The following ZNF597 variants were observed in gnomAD, a reference collection of about 807,000 sequenced individuals.
ZNF597 encodes zinc finger protein 597.
Under a neutral mutation model 7.3 loss-of-function variants are expected in ZNF597, and 5 were observed. The ratio of observed to expected loss-of-function variants is 0.68; its 90% CI spans 0.36 to 1.44. The LOEUF is 1.44. Among genes scored for constraint, ZNF597 ranks in the 40% most tolerant of loss-of-function variants. ZNF597 has a pLI of 0.04. For synonymous variants in ZNF597, 209 were observed against 185.4 expected, an observed-to-expected ratio of 1.13 and a Z score of -1.04; for missense variants, 585 against 517.9, an observed-to-expected ratio of 1.13 and a Z score of -1.26.
rs757067337 is a variant in ZNF597 at position 3,436,576 on chromosome 16, C to T, written c.1123G>A (p.Glu375Lys). 15 of 1,611,386 alleles carry T rather than the reference C, an allele frequency of 9.3e-6. No individual in the cohort carries two copies. The highest frequency in any genetic ancestry group is 2.7e-5 in the African/African-American group (2 of 74,838). ...EERPHKCKTC[E>K]ESFALDSELA... ...TCTGAGTCCAAAGCAAAACTTTCCTCGCATGTTTTGCACTTATGGGGCCTT... is the reference window on the plus strand; with the variant it reads ...TCTGAGTCCAAAGCAAAACTTTCCTTGCATGTTTTGCACTTATGGGGCCTT... The change falls in exon 4 of 4, where the codon GAG becomes AAG. Residue 375 changes from glutamate (E) to lysine (K), a missense_variant. Coordinates refer to ENST00000301744, the MANE Select transcript of ZNF597 (RefSeq NM_152457.3).
At chr16:3,442,022 C>T (rs180838740) in intron 2 of ZNF597, among the ~76,000 whole-genome samples, 110 of 151,798 alleles carry the variant, frequency 7.2e-4, no homozygotes, top group Non-Finnish European at 1.8e-4. Context: ...GTTGGGCAGC[C>T]CAGGAAGAAT....
At chr16:3,441,530 C>T (rs1053531529) in intron 2 of ZNF597, among the ~76,000 whole-genome samples, 1 of 151,914 alleles carries the variant, frequency 6.6e-6, no homozygotes, top group Non-Finnish European at 1.5e-5. Context: ...GCACTAAATA[C>T]AAAAAATTAG....
At chr16:3,442,603 A>G (rs566014432) in intron 2 of ZNF597, among the ~76,000 whole-genome samples, 17 of 150,680 alleles carry the variant, frequency 1.1e-4, no homozygotes, top group African/African-American at 4.2e-4. Context: ...TGAACCCGGG[A>G]GGCGGAGCTT....
Position 3,443,168 on chromosome 16 carries a change from A to G in ZNF597, c.-15T>C. On this transcript the variant is annotated 5_prime_UTR_variant, in exon 2 of 4. Coordinates refer to ENST00000301744, the MANE Select transcript of ZNF597 (RefSeq NM_152457.3). Reference sequence around the variant, plus strand: ...ATGGACGCCATTTGGCGGGTGGGGAATGCCTTCTTCAAGACGCCACAGGGA... The same window carrying G: ...ATGGACGCCATTTGGCGGGTGGGGAGTGCCTTCTTCAAGACGCCACAGGGA... 6.2e-7 allele frequency: 1 copy of G among 1,611,858 alleles called. No individual in the cohort carries two copies.
intron 3 of ZNF597, among the ~76,000 whole-genome samples, chr16:3,438,782 C>G (rs998943784): frequency 2.0e-5 from 3 of 152,140 alleles, no homozygotes; most frequent in African/African-American, 7.2e-5. Context: ...ACAAGAATGG[C>G]TGACAAAACT....
Position 3,440,912 on chromosome 16 carries a change from G to C in ZNF597, c.55C>G (p.Leu19Val), listed in dbSNP as rs751717460. Residue 19 changes from leucine to valine, a missense_variant, in exon 3 of 4, where the codon CTG (leucine) becomes GTG (valine). Transcript: ENST00000301744. ...EAQGPILFED[L>V]AVYFSQEECV... ...TCCTCTTGAGAAAAATACACAGCCAGATCCTCAAAGAGTATTGGTCCCTGA... is the reference window on the plus strand; with the variant it reads ...TCCTCTTGAGAAAAATACACAGCCACATCCTCAAAGAGTATTGGTCCCTGA... 2 of 1,613,836 alleles carry C rather than the reference G, an allele frequency of 1.2e-6. No homozygotes were observed. Among genetic ancestry groups the C allele is most frequent in the East Asian group, 2.2e-5 (1 of 44,874 alleles).
At chr16:3,440,021 C>G (rs1178059555) in intron 3 of ZNF597, among the ~76,000 whole-genome samples, 2 of 152,040 alleles carry the variant, frequency 1.3e-5, no homozygotes, top group Non-Finnish European at 2.9e-5. Context: ...TTTTTTCTGA[C>G]TAGGATTGAG....
At chr16:3,441,505 G>A (rs1225784095) in intron 2 of ZNF597, among the ~76,000 whole-genome samples, 1 of 152,118 alleles carries the variant, frequency 6.6e-6, no homozygotes, top group Non-Finnish European at 1.5e-5. Context: ...TGACCAACAT[G>A]GTGAAATTCT....
Position 3,436,332 on chromosome 16 carries a change from T to TTAGCACATTGCCTGGGACATA in ZNF597, c.*71_*91dup. On this transcript the variant is annotated 3_prime_UTR_variant, in exon 4 of 4. Coordinates refer to ENST00000301744, the MANE Select transcript of ZNF597 (RefSeq NM_152457.3). ...TTACATGGGAATGTGTGTAAAGTGC[T>TTAGCACATTGCCTGGGACATA]TAGCACATTGCCTGGGACATATACA... 1 of 1,232,384 alleles carries TTAGCACATTGCCTGGGACATA rather than the reference T, an allele frequency of 8.1e-7. No individual in the cohort carries two copies. 76.3% of individuals were successfully genotyped at this position (1,232,384 alleles called of 1,614,324 possible). A position where few individuals can be genotyped will look rare whatever the true frequency, so the allele number is the denominator to read the frequency against.
intron 2 of ZNF597, among the ~76,000 whole-genome samples, chr16:3,442,674 C>CAAA (rs60660497): frequency 3.7e-5 from 5 of 135,336 alleles, no homozygotes; most frequent in African/African-American, 5.5e-5. Context: ...GACTCTGTAT[C>CAAA]AAAAAAAAAA....
In ZNF597 at chr16:3,434,480, C is replaced by T. The variant is rs1339429558; in HGVS notation, c.*1944G>A. Reference sequence around the variant, plus strand: ...TCCTGTCTCCTAAGAGTGGAGACATCAGAAACAAACAGCCAAAGTCTGACC... The same window carrying T: ...TCCTGTCTCCTAAGAGTGGAGACATTAGAAACAAACAGCCAAAGTCTGACC... On this transcript the variant is annotated 3_prime_UTR_variant, in exon 4 of 4. Transcript: ENST00000301744. 6.6e-6 allele frequency: 1 copy of T among 152,196 alleles called. No homozygotes were observed. Among genetic ancestry groups the T allele is most frequent in the Non-Finnish European group, 1.5e-5 (1 of 68,034 alleles). 9.4% of individuals were successfully genotyped at this position (152,196 alleles called of 1,614,324 possible).
chr16:3,432,974 G>C lies in ZNF597; in HGVS notation c.*3450C>G, dbSNP rs1236214260. 1 of 152,178 alleles carries C rather than the reference G, an allele frequency of 6.6e-6. No homozygotes were observed. The highest frequency in any genetic ancestry group is 1.9e-4 in the East Asian group (1 of 5,202). The allele number at this position is 152,178 out of a possible 1,614,324, so 9.4% of individuals were successfully genotyped here. A position where few individuals can be genotyped will look rare whatever the true frequency, so the allele number is the denominator to read the frequency against. ...TTGTACACATAGGCAGTAAATTGCA[G>C]ATTACTTTGATCAAACTCTGCAGTT... On this transcript the variant is annotated 3_prime_UTR_variant, in exon 4 of 4. Coordinates refer to ENST00000301744, the MANE Select transcript of ZNF597 (RefSeq NM_152457.3).
intron 2 of ZNF597, 81 bp from the exon 3 acceptor site, chr16:3,441,014 G>A: frequency 6.5e-7 from 1 of 1,535,076 alleles, no homozygotes; most frequent in East Asian, 2.3e-5. Flanking sequence ...AAAAGAGCTA[G>A]AAACATCAGA....
In ZNF597 at chr16:3,437,023, G is replaced by T; in HGVS notation, c.676C>A (p.His226Asn). The change falls in exon 4 of 4, where the codon CAT becomes AAT. Residue 226 changes from histidine (H) to asparagine (N), a missense_variant. His to Asn is a moderately conservative substitution (Grantham distance 68). Coordinates refer to ENST00000301744, the MANE Select transcript of ZNF597 (RefSeq NM_152457.3). ...KCSASFRQHS[H>N]LSRHMNSHVK... Reference sequence around the variant, plus strand: ...TGGCTATTCATGTGTCGGGATAGATGAGAGTGCTGGCGAAAGCTGGCACTG... The same window carrying T: ...TGGCTATTCATGTGTCGGGATAGATTAGAGTGCTGGCGAAAGCTGGCACTG... 6.2e-7 allele frequency: 1 copy of T among 1,614,178 alleles called. No homozygotes were observed. Among genetic ancestry groups the T allele is most frequent in the South Asian group, 1.1e-5 (1 of 91,086 alleles).
intron 3 of ZNF597, among the ~76,000 whole-genome samples, chr16:3,438,063 C>T (rs1439662898): frequency 6.6e-6 from 1 of 151,762 alleles, no homozygotes; most frequent in Non-Finnish European, 1.5e-5. Flanking sequence ...CCCATCTGTA[C>T]AAAAAATAAT....
In ZNF597 at chr16:3,437,409, C is replaced by T; in HGVS notation, c.290G>A (p.Gly97Glu). 1.2e-6 allele frequency: 2 copies of T among 1,614,124 alleles called. No individual in the cohort carries two copies. The highest frequency in any genetic ancestry group is 1.7e-6 in the Non-Finnish European group (2 of 1,180,026). The change falls in exon 4 of 4, where the codon GGA becomes GAA. Residue 97 changes from glycine to glutamate, a missense_variant. Coordinates refer to ENST00000301744, the MANE Select transcript of ZNF597 (RefSeq NM_152457.3). ...VPYPEKSSED[G>E]VGNPEAKILS... ...TATTTTCGCTTCAGGGTTTCCAACTCCATCCTCAGAGGATTTTTCTGGGTA... is the reference window on the plus strand; with the variant it reads ...TATTTTCGCTTCAGGGTTTCCAACTTCATCCTCAGAGGATTTTTCTGGGTA...
In ZNF597 at chr16:3,434,162, G is replaced by A. The variant is rs1389101020; in HGVS notation, c.*2262C>T. 2.6e-5 allele frequency: 4 copies of A among 152,158 alleles called. No homozygotes were observed. Among genetic ancestry groups the A allele is most frequent in the Non-Finnish European group, 5.9e-5 (4 of 68,042 alleles). The allele number at this position is 152,158 out of a possible 1,614,324, so 9.4% of individuals were successfully genotyped here. ...CCCATTCTGTCCAAGTGCCTTCTAA[G>A]ATATTCCCCTCTACTTCTTTCTGCA... is the stretch of plus-strand genomic sequence containing the variant. On this transcript the variant is annotated 3_prime_UTR_variant, in exon 4 of 4. Coordinates refer to ENST00000301744, the MANE Select transcript of ZNF597 (RefSeq NM_152457.3).
intron 2 of ZNF597, 31 bp from the exon 3 acceptor site, chr16:3,440,964 A>C (rs1005228798): frequency 1.2e-6 from 2 of 1,604,470 alleles, no homozygotes; most frequent in Non-Finnish European, 1.7e-6. Flanking sequence ...TCAGCACAAG[A>C]GGGTGGAGGG....
chr16:3,439,698 A>T (rs553611076), intron 3 of ZNF597, among the ~76,000 whole-genome samples: 7 of 152,290 alleles, frequency 4.6e-5, no homozygotes, highest in African/African-American at 1.7e-4. Flanking sequence ...AACAAAGTCC[A>T]AAATATTTTT....
Sources: allele counts gnomAD v4.1 joint callset (sites outside exome capture counted in the v4.1 genomes callset), GRCh38; gene constraint gnomAD v4.1.1; transcripts MANE v1.5; gene names NCBI Gene and HGNC (gene_info 2026-07-23, HGNC 2026-07-21).